Variants in SLC2A13 observed in about 807,000 individuals in gnomAD.
SLC2A13 encodes the protein proton myo-inositol cotransporter.
In SLC2A13, 32 loss-of-function variants were observed where a neutral mutation model predicts 64.4. The ratio of observed to expected loss-of-function variants is 0.50; its 90% CI spans 0.37 to 0.67. The LOEUF is 0.67. SLC2A13 is among the 30% of genes least tolerant of loss of function. SLC2A13 has a pLI of 0.00. For synonymous variants in SLC2A13, 338 were observed against 327.1 expected (o/e 1.03, Z -0.36); for missense variants, 743 against 829.2 (o/e 0.90, Z 1.28).
chr12:40,104,220 A>G (rs1939230203), intron 1 of SLC2A13, among the ~76,000 whole-genome samples: 1 of 152,234 alleles, frequency 6.6e-6, no homozygotes. Flanking sequence ...TTATGAAACG[A>G]AACATTAAAA....
At chr12:39,805,203 T>G (rs1246345189) in intron 7 of SLC2A13, among the ~76,000 whole-genome samples, 2 of 152,014 alleles carry the variant, frequency 1.3e-5, no homozygotes, top group African/African-American at 2.4e-5. Flanking sequence ...CTGCAGGGCG[T>G]GGTTTTTATT....
At position 40,047,474 on chromosome 12, in the gene SLC2A13, T is replaced by G. The variant is rs145848090; in HGVS notation, c.716+577A>C. ...CAGAGCCCATAATATCTTTTAAGCT[T>G]TAACATAAGATTTTGTTTTAATAAT... On this transcript the variant is annotated intron_variant, in intron 2 of 9. Coordinates refer to ENST00000280871, the MANE Select transcript of SLC2A13 (RefSeq NM_052885.4). Among the ~76,000 whole-genome samples, 52 of 152,324 alleles carry G rather than the reference T, an allele frequency of 3.4e-4. No individual in the cohort carries two copies. The East Asian group carries it at 8.7e-3, about 25-fold the overall frequency.
intron 4 of SLC2A13, among the ~76,000 whole-genome samples, chr12:39,913,309 A>G (rs1461158705): frequency 6.6e-6 from 1 of 152,070 alleles, no homozygotes; most frequent in East Asian, 1.9e-4. Flanking sequence ...AGAACAATAG[A>G]CCTTGTAACT....
chr12:39,904,423 CT>C (rs1945213587), intron 4 of SLC2A13, among the ~76,000 whole-genome samples: 1 of 152,064 alleles, frequency 6.6e-6, no homozygotes, highest in Admixed American at 6.6e-5. Flanking sequence ...AAAAGCAAAC[CT>C]TGTGAGCAGG....
Position 39,886,762 on chromosome 12 carries a change from G to T in SLC2A13, c.1035-14801C>A, listed in dbSNP as rs184742126. Among the ~76,000 whole-genome samples, 175 of 152,208 alleles carry T rather than the reference G, an allele frequency of 1.1e-3. 2 individuals are homozygous for T. Among genetic ancestry groups the T allele is most frequent in the South Asian group, 4.8e-3 (23 of 4,822 alleles). ...AAAATACAGAATAGAGAAACAAAAA[G>T]AATAACGGCTAATGGTCATTGAGTA... is the stretch of plus-strand genomic sequence containing the variant. On this transcript the variant is annotated intron_variant, in intron 4 of 9. Coordinates refer to ENST00000280871, the MANE Select transcript of SLC2A13 (RefSeq NM_052885.4).
rs973855856 is a variant in SLC2A13 at position 39,929,765 on chromosome 12, C to A, written c.1034+21492G>T. Among the ~76,000 whole-genome samples, 154 of 128,468 alleles carry A rather than the reference C, an allele frequency of 1.2e-3. 1 individual carries two copies. The highest frequency in any genetic ancestry group is 3.6e-3 in the African/African-American group (141 of 39,070). 84.3% of individuals were successfully genotyped at this position (128,468 alleles called of 152,430 possible). On this transcript the variant is annotated intron_variant, in intron 4 of 9. Transcript: ENST00000280871. ...TTAGGTTTAACTGTAAAGGAAGAGGCTTTACAGCTCCACTGAAAAGTATGC... is the reference window on the plus strand; with the variant it reads ...TTAGGTTTAACTGTAAAGGAAGAGGATTTACAGCTCCACTGAAAAGTATGC...
intron 7 of SLC2A13, among the ~76,000 whole-genome samples, chr12:39,792,911 T>C (rs1241160695): frequency 1.3e-5 from 2 of 152,140 alleles, no homozygotes; most frequent in African/African-American, 2.4e-5. Context: ...CTTTCTACTT[T>C]CTCTATGGTA....
chr12:39,801,109 G>A (rs1208809852), intron 7 of SLC2A13, among the ~76,000 whole-genome samples: 5 of 65,048 alleles, frequency 7.7e-5, no homozygotes, highest in African/African-American at 6.2e-5. Flanking sequence ...GGTCAGGGGA[G>A]GGGGGAGGGA....
At chr12:39,950,591 A>C (rs549825158) in intron 4 of SLC2A13, 5 of 152,318 alleles carry the variant, frequency 3.3e-5, no homozygotes, top group African/African-American at 1.2e-4. Flanking sequence ...ACCCAGGTCT[A>C]TTTTAGTTAC....
At chr12:40,012,340 T>C (rs28370769) in intron 3 of SLC2A13, among the ~76,000 whole-genome samples, 3,549 of 152,294 alleles carry the variant, frequency 0.023, 147 homozygotes, top group African/African-American at 0.08. Flanking sequence ...ATATTAATGA[T>C]GTTCTTTTGC....
Position 39,898,585 on chromosome 12 carries a change from A to G in SLC2A13, c.1035-26624T>C, listed in dbSNP as rs1944991384. On this transcript the variant is annotated intron_variant, in intron 4 of 9. Coordinates refer to ENST00000280871, the MANE Select transcript of SLC2A13 (RefSeq NM_052885.4). ...CTGGCTTGTCTTTAGGGACATTTTT[A>G]TTGTAACATCTGTGTCTTCAAATTG... Among the ~76,000 whole-genome samples the G allele has an allele frequency of 2.6e-5, 4 of 152,104 alleles. No individual in the cohort carries two copies. In the South Asian group the frequency reaches 8.3e-4, roughly 31 times the overall value.
At chr12:40,030,916 G>T (rs1947893188) in intron 2 of SLC2A13, among the ~76,000 whole-genome samples, 1 of 152,108 alleles carries the variant, frequency 6.6e-6, no homozygotes, top group South Asian at 2.1e-4. Context: ...GTGTGGAAAA[G>T]GAATTTGTAC....
At chr12:39,788,282 C>A (rs560943641) in intron 7 of SLC2A13, among the ~76,000 whole-genome samples, 26 of 152,154 alleles carry the variant, frequency 1.7e-4, no homozygotes, top group Admixed American at 7.2e-4. Flanking sequence ...AAATAAAAAA[C>A]AATTATAACA....
chr12:39,808,046 G>A (rs1164711343), intron 7 of SLC2A13, among the ~76,000 whole-genome samples: 1 of 152,104 alleles, frequency 6.6e-6, no homozygotes, highest in Non-Finnish European at 1.5e-5. Flanking sequence ...TTTTGACAAT[G>A]TATAAATCCA....
intron 9 of SLC2A13, among the ~76,000 whole-genome samples, chr12:39,763,449 A>G (rs1469128968): frequency 6.6e-6 from 1 of 152,078 alleles, no homozygotes; most frequent in Non-Finnish European, 1.5e-5. Flanking sequence ...TTTGACAAAC[A>G]CTTTTTGGTG....
intron 4 of SLC2A13, among the ~76,000 whole-genome samples, chr12:39,939,282 T>G (rs1179365513): frequency 2.6e-5 from 4 of 152,182 alleles, no homozygotes; most frequent in African/African-American, 7.2e-5. Flanking sequence ...GAGACAGGTA[T>G]GCAATATATA....
intron 4 of SLC2A13, among the ~76,000 whole-genome samples, chr12:39,917,524 C>T (rs904800310): frequency 3.9e-5 from 6 of 152,102 alleles, no homozygotes; most frequent in South Asian, 4.2e-4. Context: ...GGTTGATTGC[C>T]CTCCATGGTG....
intron 9 of SLC2A13, among the ~76,000 whole-genome samples, chr12:39,763,822 C>G (rs191753877): frequency 1.4e-4 from 21 of 152,200 alleles, no homozygotes; most frequent in Admixed American, 7.2e-4. Flanking sequence ...GACTCAGCCA[C>G]TAAGCACTAT....
At chr12:39,916,063 C>G (rs1945517146) in intron 4 of SLC2A13, among the ~76,000 whole-genome samples, 1 of 151,616 alleles carries the variant, frequency 6.6e-6, no homozygotes, top group Non-Finnish European at 1.5e-5. Context: ...AAAGAACTAG[C>G]CTTAGGAGTT....
Sources: gnomAD v4.1 joint callset for allele counts (sites outside exome capture counted in the v4.1 genomes callset) on GRCh38, gnomAD v4.1.1 for gene constraint, MANE v1.5 for transcripts, NCBI Gene and HGNC (gene_info 2026-07-23, HGNC 2026-07-21) for gene names.